MPND: variants seen among roughly 807,000 people sequenced by gnomAD.
MPND encodes MPN domain-containing protein.
In MPND, 56 loss-of-function variants were observed where a neutral mutation model predicts 59.2. That is an observed-to-expected ratio of 0.95 (90% CI 0.76 to 1.18). The LOEUF is 1.18. Ranked by LOEUF, MPND falls within the 50% of genes most tolerant of loss-of-function variation. The probability of loss-of-function intolerance (pLI) is 0.00; values close to 1 mark genes in which losing one functional copy is unlikely to be tolerated. For missense variants in MPND, 671 were observed against 676.0 expected (o/e 0.99, Z 0.08); for synonymous variants, 323 against 291.9 (o/e 1.11, Z -1.09).
chr19:4,343,592 C>T lies in MPND; in HGVS notation c.-2C>T. On this transcript the variant is annotated 5_prime_UTR_variant, in exon 1 of 13. Transcript: ENST00000599840. ...GAGCTCCGGGCGCGGGGAGGCGCGG[C>T]CATGGCAGGTACGGCGGGCCCAGCG... The T allele has an allele frequency of 1.6e-6, 2 of 1,218,202 alleles. No individual in the cohort carries two copies. Among genetic ancestry groups the T allele is most frequent in the Non-Finnish European group, 2.0e-6 (2 of 978,978 alleles). 75.5% of individuals were successfully genotyped at this position (1,218,202 alleles called of 1,614,324 possible).
At chr19:4,344,832 G>A (rs1254123774) in intron 2 of MPND, among the ~76,000 whole-genome samples, 1 of 147,172 alleles carries the variant, frequency 6.8e-6, no homozygotes, top group Admixed American at 6.9e-5. Flanking sequence ...TCTGCCTCCC[G>A]GTTCAAGCGA....
chr19:4,359,694 A>C (rs1047078513), intron 12 of MPND, among the ~76,000 whole-genome samples: 3 of 152,110 alleles, frequency 2.0e-5, no homozygotes, highest in African/African-American at 7.2e-5. Flanking sequence ...GAGTGTGCAC[A>C]TAAGCCCCAC....
At chr19:4,348,288 TCTCG>T (rs1033156855) in intron 3 of MPND, 1 of 129,804 alleles carries the variant, frequency 7.7e-6, no homozygotes, top group Non-Finnish European at 1.5e-5. Flanking sequence ...TGAGACGGAG[TCTCG>T]CTCTGTCGCC....
At position 4,354,957 on chromosome 19, in the gene MPND, C is replaced by T; in HGVS notation, c.855C>T (p.His285=). Residue 285 remains histidine (H), a synonymous_variant, in exon 7 of 13, where the codon CAC becomes CAT. Transcript: ENST00000599840. Reference sequence around the variant, plus strand: ...GTTCCTCCCTTCCCCAGGACTTCCACAGTCACCTGACACGGAGTGAGGTCG... The same window carrying T: ...GTTCCTCCCTTCCCCAGGACTTCCATAGTCACCTGACACGGAGTGAGGTCG... The part of the protein sequence containing the change: ...SSNVLFLLDF[H]SHLTRSEVVG... 6 of 1,594,202 alleles carry T rather than the reference C, an allele frequency of 3.8e-6. No homozygotes were observed. Among genetic ancestry groups the T allele is most frequent in the South Asian group, 1.1e-5 (1 of 88,554 alleles).
In MPND at chr19:4,352,968, C is replaced by T. The variant is rs774881064; in HGVS notation, c.603C>T (p.Val201=). The stretch of plus-strand genomic sequence containing the variant: ...AGGAGGAGGACGTTCTGGCAGGGGT[C>T]TCAGCAGAGGACAAGAGTCGGAGAC... ...EEEEEDVLAG[V]SAEDKSRRPL... Residue 201 remains valine, a synonymous_variant, in exon 4 of 13, where the codon GTC becomes GTT. Transcript: ENST00000599840. 12 of 1,390,328 alleles carry T rather than the reference C, an allele frequency of 8.6e-6. No individual in the cohort carries two copies. Among genetic ancestry groups the T allele is most frequent in the Non-Finnish European group, 1.0e-5 (11 of 1,064,782 alleles). The allele number at this position is 1,390,328 out of a possible 1,614,324, so 86.1% of individuals were successfully genotyped here.
At position 4,343,826 on chromosome 19, in the gene MPND, T is replaced by TGGC. The variant is rs543214680; in HGVS notation, c.136_138dup (p.Gly46dup). The TGGC allele has an allele frequency of 1.7e-6, 2 of 1,191,364 alleles. No individual in the cohort carries two copies. Among genetic ancestry groups the TGGC allele is most frequent in the Non-Finnish European group, 2.1e-6 (2 of 965,642 alleles). 73.8% of individuals were successfully genotyped at this position (1,191,364 alleles called of 1,614,324 possible). On this transcript the variant is annotated inframe_insertion, in exon 2 of 13. Transcript: ENST00000599840. ...ATGCGGGAGCGGGCGGTGGACGCAG[T>TGGC]GGCGGCGGCGGCAGTAGCGTCAGCG...
At chr19:4,354,249 T>C (rs1972383378) in intron 5 of MPND, 75 bp from the exon 6 acceptor site, 3 of 1,481,938 alleles carry the variant, frequency 2.0e-6, no homozygotes, top group South Asian at 1.2e-5. Flanking sequence ...AGCTGTGGGG[T>C]TGGGGGAGTC....
At position 4,350,991 on chromosome 19, in the gene MPND, G is replaced by C. The variant is rs377641547; in HGVS notation, c.532-1906G>C. Among the ~76,000 whole-genome samples, 34 of 152,270 alleles carry C rather than the reference G, an allele frequency of 2.2e-4. No homozygotes were observed. The South Asian group carries it at 5.4e-3, about 24-fold the overall frequency. ...GAGGACCGTGTCCTGGTAGGTAGGA[G>C]GCTGTGCTGGGTCAGATGCTGCCGA... On this transcript the variant is annotated intron_variant, in intron 3 of 12. Transcript: ENST00000599840.
chr19:4,345,159 G>C (rs1972158627), intron 2 of MPND, among the ~76,000 whole-genome samples: 1 of 144,930 alleles, frequency 6.9e-6, no homozygotes, highest in Non-Finnish European at 1.5e-5. Context: ...CAATTCTCCT[G>C]CCTTAGCCTC....
At position 4,343,642 on chromosome 19, in the gene MPND, T is replaced by C. The variant is rs558128240; in HGVS notation, c.7+42T>C. 7.7e-5 allele frequency: 93 copies of C among 1,204,246 alleles called. 1 individual carries two copies. The African/African-American group carries it at 1.3e-3, about 17-fold the overall frequency. The allele number at this position is 1,204,246 out of a possible 1,614,324, so 74.6% of individuals were successfully genotyped here. On this transcript the variant is annotated intron_variant, in intron 1 of 12. Transcript: ENST00000599840. ...GGGGCGGAGGCGCGGGGCGCGGGGCTGCAGGGGCGCGGGGCTGCAGAGCCG... is the reference window on the plus strand; with the variant it reads ...GGGGCGGAGGCGCGGGGCGCGGGGCCGCAGGGGCGCGGGGCTGCAGAGCCG...
At chr19:4,355,758 C>T (rs1470837531) in intron 8 of MPND, among the ~76,000 whole-genome samples, 1 of 151,716 alleles carries the variant, frequency 6.6e-6, no homozygotes, top group Non-Finnish European at 1.5e-5. Context: ...GGTGAGCCAC[C>T]GTGCCTGGTC....
intron 8 of MPND, 136 bp from the exon 9 acceptor site, chr19:4,357,117 G>C: frequency 1.1e-6 from 1 of 878,832 alleles, no homozygotes; most frequent in Non-Finnish European, 1.6e-6. Flanking sequence ...TGGCGGTGGG[G>C]GCAGGGCCTG....
chr19:4,345,986 G>A lies in MPND; in HGVS notation c.531+5G>A, dbSNP rs745744242. 28 of 1,607,748 alleles carry A rather than the reference G, an allele frequency of 1.7e-5. No individual in the cohort carries two copies. The East Asian group carries it at 2.0e-4, about 12-fold the overall frequency. On this transcript the variant is annotated splice_donor_5th_base_variant and intron_variant, in intron 3 of 12. Coordinates refer to ENST00000599840, the MANE Select transcript of MPND (RefSeq NM_001300862.2). ...CCTGCCACGGCTGCTGATGAGGTAC[G>A]TGCTGCAGCCTCCTCCAGGAAGCCG...
chr19:4,357,484 A>C (rs368253644), intron 9 of MPND, 31 bp from the exon 10 acceptor site: 191 of 1,611,416 alleles, frequency 1.2e-4, no homozygotes, highest in Non-Finnish European at 9.3e-6. Flanking sequence ...CGAGCCTCCC[A>C]GGGCCAACCC....
intron 3 of MPND, among the ~76,000 whole-genome samples, chr19:4,351,600 C>CA (rs1972317198): frequency 6.6e-6 from 1 of 152,054 alleles, no homozygotes; most frequent in South Asian, 2.1e-4. Flanking sequence ...CGGTGGCTCA[C>CA]GCCTTTAATC....
At position 4,359,269 on chromosome 19, in the gene MPND, C is replaced by T. The variant is rs762924446; in HGVS notation, c.1419+14C>T. On this transcript the variant is annotated intron_variant, in intron 12 of 12. Transcript: ENST00000599840. ...GACAAGCTTAAGGTGAGCCCCAAGT[C>T]CCCGCAGACCTCCTAACGGGGCCCC... 1 of 1,606,242 alleles carries T rather than the reference C, an allele frequency of 6.2e-7. No homozygotes were observed. The highest frequency in any genetic ancestry group is 1.1e-5 in the South Asian group (1 of 90,912).
intron 3 of MPND, among the ~76,000 whole-genome samples, chr19:4,346,583 ATTT>A (rs1230273721): frequency 6.6e-6 from 1 of 151,918 alleles, no homozygotes; most frequent in African/African-American, 2.4e-5. Flanking sequence ...CACCCGGCTA[ATTT>A]TTGGATTTTT....
Position 4,354,993 on chromosome 19 carries a change from G to A in MPND, c.891G>A (p.Leu297=), listed in dbSNP as rs759256590. 11 of 1,608,722 alleles carry A rather than the reference G, an allele frequency of 6.8e-6. No homozygotes were observed. The South Asian group carries it at 8.8e-5, about 13-fold the overall frequency. ...HLTRSEVVGY[L]GGRWDVNSQM... ...CACGGAGTGAGGTCGTGGGTTACCT[G>A]GGGGGCCGCTGGGACGTCAACAGCC... The change falls in exon 7 of 13, where the codon CTG becomes CTA. Residue 297 remains leucine, a synonymous_variant. Coordinates refer to ENST00000599840, the MANE Select transcript of MPND (RefSeq NM_001300862.2).
chr19:4,345,686 C>T (rs1248531865), intron 2 of MPND, 59 bp from the exon 3 acceptor site: 10 of 1,537,152 alleles, frequency 6.5e-6, no homozygotes, highest in African/African-American at 1.4e-5. Flanking sequence ...GAGGACCCCC[C>T]GGGAGAGAGG....
Sources: allele counts gnomAD v4.1 joint callset (sites outside exome capture counted in the v4.1 genomes callset), GRCh38; gene constraint gnomAD v4.1.1; transcripts MANE v1.5; gene names NCBI Gene and HGNC (gene_info 2026-07-23, HGNC 2026-07-21).